Variants in ZNF101 observed in about 807,000 individuals in gnomAD.
The protein encoded by ZNF101 is zinc finger protein 101.
In ZNF101, 34 loss-of-function variants were observed where a neutral mutation model predicts 42.6. The ratio of observed to expected loss-of-function variants is 0.80; its 90% CI spans 0.61 to 1.06. The LOEUF is 1.06. Among genes scored for constraint, ZNF101 ranks in the 50% least tolerant of loss-of-function variants. The pLI, the probability that ZNF101 is intolerant of heterozygous loss-of-function variation, is 0.00. For synonymous variants in ZNF101, 158 were observed against 183.9 expected (o/e 0.86, Z 1.14); for missense variants, 466 against 530.9 (o/e 0.88, Z 1.20).
At chr19:19,671,566 C>T (rs2062170392) in intron 1 of ZNF101, among the ~76,000 whole-genome samples, 1 of 150,360 alleles carries the variant, frequency 6.7e-6, no homozygotes, top group Non-Finnish European at 1.5e-5. Context: ...GTGGCGCGAT[C>T]TCGGCTCACT....
At chr19:19,670,967 G>A (rs970989396) in intron 1 of ZNF101, among the ~76,000 whole-genome samples, 5 of 152,214 alleles carry the variant, frequency 3.3e-5, no homozygotes, top group African/African-American at 1.2e-4. Context: ...TTAGCCAGGC[G>A]TGGTGGCGAG....
rs2062239820 is a variant in ZNF101, at chr19:19,681,470, G to A, written c.*1170G>A. The A allele has an allele frequency of 6.6e-6, 1 of 152,178 alleles. No individual in the cohort carries two copies. Among genetic ancestry groups the A allele is most frequent in the Admixed American group, 6.6e-5 (1 of 15,266 alleles). 9.4% of individuals were successfully genotyped at this position (152,178 alleles called of 1,614,324 possible). A position where few individuals can be genotyped will look rare whatever the true frequency, so the allele number is the denominator to read the frequency against. Reference sequence around the variant, plus strand: ...TTAACAATAATTAAAATTCACATGGGCTGTGCACAGTGGCTCTCCCCTGTA... The same window carrying A: ...TTAACAATAATTAAAATTCACATGGACTGTGCACAGTGGCTCTCCCCTGTA... On this transcript the variant is annotated 3_prime_UTR_variant, in exon 4 of 4. Transcript: ENST00000592502.
At chr19:19,677,472 G>T (rs1398886462) in intron 1 of ZNF101, 1 of 182,024 alleles carries the variant, frequency 5.5e-6, no homozygotes, top group African/African-American at 2.4e-5. Context: ...AGTAGCAAAG[G>T]TCGAACTTGG....
At chr19:19,673,958 T>A (rs1157689008) in intron 1 of ZNF101, among the ~76,000 whole-genome samples, 2 of 151,272 alleles carry the variant, frequency 1.3e-5, no homozygotes, top group African/African-American at 4.9e-5. Context: ...CGCGCCCGAC[T>A]AATTTTTGTA....
Position 19,680,264 on chromosome 19 carries a change from C to A in ZNF101, c.1275C>A (p.Gly425=). ...TGGCCGGGCGTAGCCAGTGCTTTGG[C>A]AGGAGGCAGGGGGATCACCTGAGCC... ...THLAGRSQCF[G]RRQGDHLSPG... is the part of the protein sequence containing the mutation. The change falls in exon 4 of 4, where the codon GGC becomes GGA. Residue 425 remains glycine (G), a synonymous_variant. Coordinates refer to ENST00000592502, the MANE Select transcript of ZNF101 (RefSeq NM_033204.4). The A allele has an allele frequency of 6.5e-7, 1 of 1,538,050 alleles. No homozygotes were observed. Among genetic ancestry groups the A allele is most frequent in the South Asian group, 1.3e-5 (1 of 76,562 alleles).
rs2145061512 is a variant in ZNF101 at position 19,680,233 on chromosome 19, C to T, written c.1244C>T (p.Thr415Ile). Residue 415 changes from threonine to isoleucine, a missense_variant, in exon 4 of 4, where the codon ACT becomes ATT. By Grantham distance (89) the Thr-to-Ile change is moderately conservative (BLOSUM62 -1). Coordinates refer to ENST00000592502, the MANE Select transcript of ZNF101 (RefSeq NM_033204.4). The stretch of plus-strand genomic sequence containing the variant: ...AATTACCTTAGACTTCATGAAAGAA[C>T]TCATTTGGCCGGGCGTAGCCAGTGC... The part of the protein sequence containing the change: ...FSNYLRLHER[T>I]HLAGRSQCFG... 2 of 1,573,524 alleles carry T rather than the reference C, an allele frequency of 1.3e-6. No homozygotes were observed. Among genetic ancestry groups the T allele is most frequent in the Non-Finnish European group, 1.7e-6 (2 of 1,162,704 alleles).
chr19:19,674,073 T>G (rs1317064875), intron 1 of ZNF101, among the ~76,000 whole-genome samples: 1 of 152,104 alleles, frequency 6.6e-6, no homozygotes, highest in Non-Finnish European at 1.5e-5. Context: ...ATTACAGATG[T>G]GAGTCACCGC....
rs757507438 is a variant in ZNF101, at chr19:19,680,086, A to T, written c.1097A>T (p.Tyr366Phe). Residue 366 changes from tyrosine to phenylalanine, a missense_variant, in exon 4 of 4, where the codon TAT (tyrosine) becomes TTT (phenylalanine). Coordinates refer to ENST00000592502, the MANE Select transcript of ZNF101 (RefSeq NM_033204.4). ...HKKTHSGEKP[Y>F]ECTRCGKAFG... ...AAAACTCATAGTGGAGAAAAGCCAT[A>T]TGAATGTACAAGGTGTGGTAAAGCC... is the stretch of plus-strand genomic sequence containing the variant. The T allele has an allele frequency of 6.2e-7, 1 of 1,614,202 alleles. No homozygotes were observed. Among genetic ancestry groups the T allele is most frequent in the Non-Finnish European group, 8.5e-7 (1 of 1,180,022 alleles).
In ZNF101 at chr19:19,668,875, G is replaced by A; in HGVS notation, c.-89G>A. ...GGTTTTAGTTCCTCGGGGAGCCCCTGGTGCCCCGGATACGGCTGATTTTGT... is the reference window on the plus strand; with the variant it reads ...GGTTTTAGTTCCTCGGGGAGCCCCTAGTGCCCCGGATACGGCTGATTTTGT... On this transcript the variant is annotated 5_prime_UTR_variant, in exon 1 of 4. Transcript: ENST00000592502. 1.4e-6 allele frequency: 2 copies of A among 1,473,252 alleles called. No individual in the cohort carries two copies. The highest frequency in any genetic ancestry group is 2.5e-5 in the South Asian group (2 of 78,816). 91.3% of individuals were successfully genotyped at this position (1,473,252 alleles called of 1,614,324 possible). A position where few individuals can be genotyped will look rare whatever the true frequency, so the allele number is the denominator to read the frequency against.
At position 19,669,076 on chromosome 19, in the gene ZNF101, C is replaced by T. The variant is rs190511995; in HGVS notation, c.3+110C>T. The T allele has an allele frequency of 3.7e-3, 5,302 of 1,417,714 alleles. 40 individuals are homozygous for T. Among genetic ancestry groups the T allele is most frequent in the South Asian group, 0.02 (1,509 of 77,108 alleles). 87.8% of individuals were successfully genotyped at this position (1,417,714 alleles called of 1,614,324 possible). On this transcript the variant is annotated intron_variant, in intron 1 of 3. Transcript: ENST00000592502. ...GACTGTGGGGGTCTGGGACCCGAGT[C>T]CCCCAGGCGCAGCTCGACCCTTGGT... is the stretch of plus-strand genomic sequence containing the variant.
intron 1 of ZNF101, among the ~76,000 whole-genome samples, chr19:19,670,414 T>C (rs1375613368): frequency 6.6e-6 from 1 of 152,210 alleles, no homozygotes; most frequent in East Asian, 1.9e-4. Flanking sequence ...CTAGTTTTTA[T>C]TTTTTGTAGA....
chr19:19,678,787 G>A lies in ZNF101; in HGVS notation c.191+1G>A, dbSNP rs1177031641. On this transcript the variant is annotated splice_donor_variant, in intron 3 of 3. Coordinates refer to ENST00000592502, the MANE Select transcript of ZNF101 (RefSeq NM_033204.4). LOFTEE classifies it high-confidence loss of function. ...ACCAAAACCTGGGGATTAAGCTAAG[G>A]TAATCTCCACTCACAAGAGGAAGCA... 3 of 1,609,610 alleles carry A rather than the reference G, an allele frequency of 1.9e-6. No homozygotes were observed. Among genetic ancestry groups the A allele is most frequent in the Non-Finnish European group, 2.5e-6 (3 of 1,178,552 alleles).
chr19:19,672,871 G>T (rs1000874910), intron 1 of ZNF101, among the ~76,000 whole-genome samples: 4 of 152,118 alleles, frequency 2.6e-5, no homozygotes, highest in African/African-American at 9.7e-5. Flanking sequence ...AAAAAAACCA[G>T]ACATGGGATT....
In ZNF101 at chr19:19,669,039, C is replaced by T. The variant is rs1290466618; in HGVS notation, c.3+73C>T. ...GGAACCGGCAGTGGCTGGACCTGGGCCTCCCCGCGGCGACTGTGGGGGTCT... is the reference window on the plus strand; with the variant it reads ...GGAACCGGCAGTGGCTGGACCTGGGTCTCCCCGCGGCGACTGTGGGGGTCT... On this transcript the variant is annotated intron_variant, in intron 1 of 3. Coordinates refer to ENST00000592502, the MANE Select transcript of ZNF101 (RefSeq NM_033204.4). The T allele has an allele frequency of 2.6e-6, 4 of 1,529,544 alleles. No homozygotes were observed. The African/African-American group carries it at 5.5e-5, about 21-fold the overall frequency. 94.7% of individuals were successfully genotyped at this position (1,529,544 alleles called of 1,614,324 possible). A position where few individuals can be genotyped will look rare whatever the true frequency, so the allele number is the denominator to read the frequency against.
chr19:19,681,410 C>T lies in ZNF101; in HGVS notation c.*1110C>T, dbSNP rs182197528. ...TCGAAGAATACACACTGGATGGAAA[C>T]GTTAGTAGTTTGGAAAATACAGGAA... is the stretch of plus-strand genomic sequence containing the variant. On this transcript the variant is annotated 3_prime_UTR_variant, in exon 4 of 4. Transcript: ENST00000592502. 5 of 152,260 alleles carry T rather than the reference C, an allele frequency of 3.3e-5. No individual in the cohort carries two copies. Among genetic ancestry groups the T allele is most frequent in the African/African-American group, 9.6e-5 (4 of 41,540 alleles). 9.4% of individuals were successfully genotyped at this position (152,260 alleles called of 1,614,324 possible).
At position 19,679,557 on chromosome 19, in the gene ZNF101, ACT is replaced by A. The variant is rs1354995091; in HGVS notation, c.570_571del (p.Thr192TrpfsTer6). ...SPNLFQIHQR[T>X]HTGKRSYKCR... ...CAATTTATTTCAAATCCATCAAAGA[ACT>A]CACACTGGAAAGAGGTCCTATAAAT... On this transcript the variant is annotated frameshift_variant, in exon 4 of 4. Transcript: ENST00000592502. LOFTEE classifies it high-confidence loss of function. The A allele has an allele frequency of 1.2e-6, 2 of 1,614,148 alleles. No homozygotes were observed.
chr19:19,670,234 G>T (rs967827027), intron 1 of ZNF101, among the ~76,000 whole-genome samples: 1 of 152,144 alleles, frequency 6.6e-6, no homozygotes, highest in Non-Finnish European at 1.5e-5. Flanking sequence ...GCCCTTGGGG[G>T]TGGGGTGGGG....
At chr19:19,669,020 G>C (rs1407937866) in intron 1 of ZNF101, 54 bp downstream of exon 1, 1 of 1,553,802 alleles carries the variant, frequency 6.4e-7, no homozygotes, top group Non-Finnish European at 8.7e-7. Flanking sequence ...GGTCGGAACC[G>C]GCAGTGGCTG....
rs1252073989 is a variant in ZNF101, at chr19:19,668,975, G to A, written c.3+9G>A. The A allele has an allele frequency of 1.9e-6, 3 of 1,585,968 alleles. No homozygotes were observed. Among genetic ancestry groups the A allele is most frequent in the East Asian group, 2.3e-5 (1 of 43,762 alleles). ...CCCGGAAGCCGGAAATGGTGAGCGT[G>A]CGGAGCCGGGCGTCCGGAGACCTGA... On this transcript the variant is annotated intron_variant, in intron 1 of 3. Transcript: ENST00000592502.
Sources: gnomAD v4.1 joint callset for allele counts (sites outside exome capture counted in the v4.1 genomes callset) on GRCh38, gnomAD v4.1.1 for gene constraint, MANE v1.5 for transcripts, NCBI Gene and HGNC (gene_info 2026-07-23, HGNC 2026-07-21) for gene names.